NXN: variants seen among roughly 807,000 people sequenced by gnomAD.
The protein encoded by NXN is nucleoredoxin 1.
In NXN, 16 loss-of-function variants were observed where a neutral mutation model predicts 48.6. That is an observed-to-expected ratio of 0.33 (90% CI 0.22 to 0.50). The LOEUF is 0.50. NXN is among the 20% of genes least tolerant of loss of function. The pLI, the probability that NXN is intolerant of heterozygous loss-of-function variation, is 0.98. For missense variants in NXN, 492 were observed against 605.5 expected (o/e 0.81, Z 1.97); for synonymous variants, 281 against 269.6 (o/e 1.04, Z -0.41).
chr17:846,521 G>A (rs1218690333), intron 1 of NXN, among the ~76,000 whole-genome samples: 1 of 152,136 alleles, frequency 6.6e-6, no homozygotes, highest in Non-Finnish European at 1.5e-5. Flanking sequence ...ACAGAGGGGT[G>A]CCCCTTTGGC....
At chr17:928,063 T>C (rs1011901305) in intron 1 of NXN, among the ~76,000 whole-genome samples, 1 of 151,894 alleles carries the variant, frequency 6.6e-6, no homozygotes, top group Non-Finnish European at 1.5e-5. Context: ...CTGGAGGAGT[T>C]ACTTAATTCA....
chr17:803,910 G>A (rs1911341889), intron 6 of NXN, 104 bp from the exon 7 acceptor site: 1 of 1,485,414 alleles, frequency 6.7e-7, no homozygotes. Context: ...ACGCCCGCCT[G>A]AGCGGCCCCT....
At chr17:858,623 G>A (rs1049523476) in intron 1 of NXN, among the ~76,000 whole-genome samples, 3 of 152,068 alleles carry the variant, frequency 2.0e-5, no homozygotes, top group African/African-American at 4.8e-5. Context: ...AGCTGCTGGG[G>A]AGGCTGAGAC....
At chr17:948,508 G>A (rs1015552296) in intron 1 of NXN, among the ~76,000 whole-genome samples, 2 of 152,086 alleles carry the variant, frequency 1.3e-5, no homozygotes, top group African/African-American at 2.4e-5. Context: ...CACAGGCACT[G>A]AGGGACGGCT....
At chr17:924,732 CCG>C (rs2068782758) in intron 1 of NXN, among the ~76,000 whole-genome samples, 2 of 152,090 alleles carry the variant, frequency 1.3e-5, no homozygotes, top group East Asian at 3.9e-4. Context: ...CCGTTCCGTT[CCG>C]TTCCCCTGCT....
chr17:955,088 G>C (rs1304847408), intron 1 of NXN, among the ~76,000 whole-genome samples: 1 of 152,006 alleles, frequency 6.6e-6, no homozygotes, highest in Non-Finnish European at 1.5e-5. Flanking sequence ...TTTTCTAGAG[G>C]CTGGGATATG....
At chr17:902,976 G>T (rs562718560) in intron 1 of NXN, among the ~76,000 whole-genome samples, 189 of 151,462 alleles carry the variant, frequency 1.2e-3, no homozygotes, top group Non-Finnish European at 2.2e-3. Context: ...TCTCCATGTT[G>T]GTCAGGTTGG....
intron 1 of NXN, among the ~76,000 whole-genome samples, chr17:940,269 T>G (rs1360411118): frequency 6.6e-6 from 1 of 150,744 alleles, no homozygotes; most frequent in Non-Finnish European, 1.5e-5. Context: ...TTTCTCCCCC[T>G]TTTTGTGGAT....
At chr17:901,302 G>T (rs928549766) in intron 1 of NXN, among the ~76,000 whole-genome samples, 4 of 152,140 alleles carry the variant, frequency 2.6e-5, no homozygotes, top group Non-Finnish European at 4.4e-5. Flanking sequence ...GATCTGTGGG[G>T]GGAGATGATC....
chr17:943,319 A>C (rs1211674081), intron 1 of NXN, among the ~76,000 whole-genome samples: 1 of 152,066 alleles, frequency 6.6e-6, no homozygotes, highest in African/African-American at 2.4e-5. Flanking sequence ...GGACCTCCAG[A>C]GAAAGGTCAC....
At chr17:812,722 GGT>G (rs567699402) in intron 5 of NXN, among the ~76,000 whole-genome samples, 32 of 148,626 alleles carry the variant, frequency 2.2e-4, no homozygotes, top group African/African-American at 5.3e-4. Context: ...GTGAGTGTAG[GGT>G]GTGTGAGTGT....
intron 1 of NXN, among the ~76,000 whole-genome samples, chr17:915,213 C>T (rs374492121): frequency 3.9e-5 from 6 of 151,908 alleles, no homozygotes; most frequent in African/African-American, 7.2e-5. Context: ...GGATTACAGG[C>T]GTGAGCCACT....
At chr17:928,335 G>A (rs1407238657) in intron 1 of NXN, among the ~76,000 whole-genome samples, 1 of 152,150 alleles carries the variant, frequency 6.6e-6, no homozygotes, top group Admixed American at 6.6e-5. Context: ...CATCAGAAAA[G>A]CATTCGGTGA....
At chr17:833,710 A>G (rs1032065081) in intron 1 of NXN, among the ~76,000 whole-genome samples, 1 of 152,298 alleles carries the variant, frequency 6.6e-6, no homozygotes, top group African/African-American at 2.4e-5. Context: ...CGGGAGGTCT[A>G]CAGACCCCAA....
chr17:947,589 C>T (rs557275591), intron 1 of NXN, among the ~76,000 whole-genome samples: 19 of 151,872 alleles, frequency 1.3e-4, no homozygotes, highest in Non-Finnish European at 1.5e-4. Context: ...AAAAATTAGC[C>T]GGGAGTGGTG....
At chr17:957,565 T>C (rs57669402) in intron 1 of NXN, among the ~76,000 whole-genome samples, 1 of 150,044 alleles carries the variant, frequency 6.7e-6, no homozygotes, top group Non-Finnish European at 1.5e-5. Flanking sequence ...ACGGGAGGTG[T>C]AGGTTGCAGT....
chr17:951,878 G>A (rs1158465274), intron 1 of NXN, among the ~76,000 whole-genome samples: 2 of 152,104 alleles, frequency 1.3e-5, no homozygotes, highest in Non-Finnish European at 2.9e-5. Flanking sequence ...GTAGACGGAG[G>A]GCACCCGGGA....
chr17:935,830 C>T (rs150602646), intron 1 of NXN, among the ~76,000 whole-genome samples: 6 of 152,232 alleles, frequency 3.9e-5, no homozygotes, highest in East Asian at 1.9e-4. Flanking sequence ...CAGTGACTCA[C>T]GCCTATAATC....
In NXN at chr17:943,031, T is replaced by C. The variant is rs565970997; in HGVS notation, c.360+36288A>G. 5.1e-4 allele frequency among the ~76,000 whole-genome samples: 76 copies of C among 148,862 alleles called. 1 individual carries two copies. Among genetic ancestry groups the C allele is most frequent in the South Asian group, 2.1e-3 (10 of 4,658 alleles). On this transcript the variant is annotated intron_variant, in intron 1 of 7. Transcript: ENST00000336868. ...ATTTACAGTGAACAAGATTCCAGGG[T>C]GCAGCCATGAATTCACCAAACACCT... is the stretch of plus-strand genomic sequence containing the variant.
Sources: allele counts gnomAD v4.1 joint callset (sites outside exome capture counted in the v4.1 genomes callset), GRCh38; gene constraint gnomAD v4.1.1; transcripts MANE v1.5; gene names NCBI Gene and HGNC (gene_info 2026-07-23, HGNC 2026-07-21).